The following CTNNA2 variants were observed in gnomAD, a reference collection of about 807,000 sequenced individuals.
CTNNA2 encodes the protein catenin alpha 2, also known as catenin alpha-2.
Under a neutral mutation model 101.0 loss-of-function variants are expected in CTNNA2, and 42 were observed. That is an observed-to-expected ratio of 0.42 (90% confidence interval 0.32 to 0.54). The LOEUF is 0.54. CTNNA2 is among the 20% of genes least tolerant of loss of function. The pLI is 0.14. For missense variants in CTNNA2, 871 were observed against 1,223.1 expected (o/e 0.71, Z 4.29); for synonymous variants, 450 against 456.4 (o/e 0.99, Z 0.18).
intron 3 of CTNNA2, among the ~76,000 whole-genome samples, chr2:79,329,126 A>G (rs1210124035): frequency 6.6e-6 from 1 of 152,142 alleles, no homozygotes. Flanking sequence ...TAAGGTCACA[A>G]TAACAGGTTT....
intron 4 of CTNNA2, chr2:79,498,834 A>G (rs2103799528): frequency 6.6e-6 from 1 of 152,306 alleles, no homozygotes; most frequent in East Asian, 1.9e-4. Context: ...AAGACTTGGC[A>G]TTCCTTTCCC....
intron 17 of CTNNA2, among the ~76,000 whole-genome samples, chr2:80,610,447 T>G (rs1394860354): frequency 1.4e-5 from 2 of 147,182 alleles, no homozygotes; most frequent in Non-Finnish European, 3.0e-5. Context: ...AAAGTTGCTG[T>G]TTTTTTTCAG....
chr2:80,044,164 C>T (rs922013632), intron 7 of CTNNA2, among the ~76,000 whole-genome samples: 1 of 152,102 alleles, frequency 6.6e-6, no homozygotes, highest in Non-Finnish European at 1.5e-5. Context: ...TAGTAGAAGA[C>T]AGGCTGATAT....
intron 1 of CTNNA2, among the ~76,000 whole-genome samples, chr2:79,572,299 A>G (rs1329750385): frequency 6.6e-6 from 1 of 152,102 alleles, no homozygotes; most frequent in African/African-American, 2.4e-5. Flanking sequence ...TTTATACTGA[A>G]CTTCTGTATT....
chr2:79,944,855 C>T (rs1343572702), intron 7 of CTNNA2, among the ~76,000 whole-genome samples: 2 of 151,840 alleles, frequency 1.3e-5, no homozygotes. Flanking sequence ...TTTCATTAAG[C>T]CTGTTAAGGT....
chr2:79,360,457 G>A (rs1558645094), intron 3 of CTNNA2, among the ~76,000 whole-genome samples: 1 of 152,134 alleles, frequency 6.6e-6, no homozygotes, highest in Non-Finnish European at 1.5e-5. Context: ...CAGTAATAGG[G>A]GAAACAAAGA....
chr2:79,303,634 A>T (rs1205891069), intron 2 of CTNNA2, among the ~76,000 whole-genome samples: 1 of 152,056 alleles, frequency 6.6e-6, no homozygotes, highest in Non-Finnish European at 1.5e-5. Context: ...CTACCAAGAC[A>T]GTCACTCTCT....
chr2:79,906,246 C>T (rs746357818), intron 6 of CTNNA2, among the ~76,000 whole-genome samples: 58 of 150,966 alleles, frequency 3.8e-4, no homozygotes, highest in Admixed American at 7.9e-4. Context: ...TACACACATA[C>T]ACACACAGCT....
At chr2:79,404,535 G>A (rs193286136) in intron 4 of CTNNA2, among the ~76,000 whole-genome samples, 15 of 152,150 alleles carry the variant, frequency 9.9e-5, no homozygotes, top group East Asian at 9.7e-4. Context: ...GAGCTGCCAG[G>A]TAGGCACTAT....
intron 2 of CTNNA2, among the ~76,000 whole-genome samples, chr2:79,704,504 G>A (rs972602399): frequency 6.8e-6 from 1 of 148,070 alleles, no homozygotes; most frequent in Non-Finnish European, 1.5e-5. Flanking sequence ...ATATTCACTT[G>A]TGCTTCTTTT....
In CTNNA2 at chr2:79,405,577, C is replaced by T. The variant is rs184675643; in HGVS notation, c.-135+31564C>T. 6.1e-4 allele frequency among the ~76,000 whole-genome samples: 93 copies of T among 152,176 alleles called. 1 individual carries two copies. The South Asian group carries it at 0.018, about 30-fold the overall frequency. On this transcript the variant is annotated intron_variant, in intron 4 of 21. Coordinates refer to the CTNNA2 transcript ENST00000466387. ...CTGACCTCAAGTGATCTGCCCACCTCAGCCTCCCAAAGTGCTGGGATTACA... is the reference window on the plus strand; with the variant it reads ...CTGACCTCAAGTGATCTGCCCACCTTAGCCTCCCAAAGTGCTGGGATTACA...
chr2:79,305,373 C>CATATATATATATATAT (rs56285145), intron 2 of CTNNA2, among the ~76,000 whole-genome samples: 34 of 138,244 alleles, frequency 2.5e-4, no homozygotes, highest in African/African-American at 8.3e-4. Flanking sequence ...TATATATACA[C>CATATATATATATATAT]ATATATATAT....
intron 7 of CTNNA2, among the ~76,000 whole-genome samples, chr2:80,088,702 G>T (rs1438229312): frequency 6.6e-6 from 1 of 151,894 alleles, no homozygotes; most frequent in African/African-American, 2.4e-5. Flanking sequence ...ATTGGTATTT[G>T]TTCACTTATG....
intron 3 of CTNNA2, among the ~76,000 whole-genome samples, chr2:79,781,085 T>C (rs1022445560): frequency 6.6e-6 from 1 of 152,184 alleles, no homozygotes; most frequent in African/African-American, 2.4e-5. Flanking sequence ...GAACAGCTAC[T>C]CCATAGACGG....
intron 2 of CTNNA2, among the ~76,000 whole-genome samples, chr2:79,670,488 A>G (rs1416495080): frequency 6.6e-6 from 1 of 152,166 alleles, no homozygotes; most frequent in Admixed American, 6.5e-5. Flanking sequence ...GTGCAGACCC[A>G]GGGCGCTTCC....
At chr2:80,208,740 C>T (rs1707693991) in intron 7 of CTNNA2, among the ~76,000 whole-genome samples, 1 of 152,102 alleles carries the variant, frequency 6.6e-6, no homozygotes, top group African/African-American at 2.4e-5. Flanking sequence ...ATATTTTAGC[C>T]CATCCACAAT....
chr2:79,354,058 G>A (rs953952463), intron 3 of CTNNA2, among the ~76,000 whole-genome samples: 1 of 152,068 alleles, frequency 6.6e-6, no homozygotes, highest in Non-Finnish European at 1.5e-5. Flanking sequence ...GACTGTTGGA[G>A]TTCTCTCTGT....
intron 1 of CTNNA2, among the ~76,000 whole-genome samples, chr2:79,531,926 C>T (rs1268522792): frequency 3.9e-5 from 6 of 151,992 alleles, no homozygotes; most frequent in South Asian, 2.1e-4. Flanking sequence ...GTGATCTGCC[C>T]GCCTTGGCCT....
intron 2 of CTNNA2, among the ~76,000 whole-genome samples, chr2:79,728,668 G>A (rs1027616208): frequency 9.9e-5 from 15 of 152,170 alleles, no homozygotes; most frequent in African/African-American, 3.4e-4. Flanking sequence ...TGTCCTGAAT[G>A]GTAATGCCTA....
Sources: allele counts gnomAD v4.1 joint callset (sites outside exome capture counted in the v4.1 genomes callset), GRCh38; gene constraint gnomAD v4.1.1; transcripts MANE v1.5; gene names NCBI Gene and HGNC (gene_info 2026-07-23, HGNC 2026-07-21).